RRP12: variants seen among roughly 807,000 people sequenced by gnomAD.
The protein encoded by RRP12 is ribosomal RNA processing 12 homolog, also known as RRP12-like protein.
A neutral mutation model predicts 157.3 loss-of-function variants in RRP12; 78 were observed. That is an observed-to-expected ratio of 0.50 (90% CI 0.41 to 0.60). The LOEUF (loss-of-function observed/expected upper bound fraction) is 0.60. Ranked by LOEUF, RRP12 falls within the 20% of genes least tolerant of loss-of-function variation. The pLI, the probability that RRP12 is intolerant of heterozygous loss-of-function variation, is 0.00. For synonymous variants in RRP12, 726 were observed against 670.9 expected (o/e 1.08, Z -1.27); for missense variants, 1,521 against 1,679.9 (o/e 0.91, Z 1.65).
At chr10:97,363,338 G>A (rs1158794233) in intron 30 of RRP12, among the ~76,000 whole-genome samples, 1 of 152,224 alleles carries the variant, frequency 6.6e-6, no homozygotes, top group East Asian at 1.9e-4. Context: ...AGGTCAACAG[G>A]GGTAATGGTG....
At position 97,373,904 on chromosome 10, in the gene RRP12, G is replaced by A. The variant is rs1275477347; in HGVS notation, c.1799-10C>T. The A allele has an allele frequency of 1.2e-6, 2 of 1,611,498 alleles. No individual in the cohort carries two copies. Among genetic ancestry groups the A allele is most frequent in the Admixed American group, 1.7e-5 (1 of 59,852 alleles). On this transcript the variant is annotated splice_polypyrimidine_tract_variant and intron_variant, in intron 15 of 33. Transcript: ENST00000370992. ...TGAGCCAGGTCCATGGCTGCAGTGT[G>A]ACAGAGGGACAGAGTGTGAGCCCAG...
Position 97,385,868 on chromosome 10 carries a change from C to T in RRP12, c.1116+27G>A, listed in dbSNP as rs184980143. On this transcript the variant is annotated intron_variant, in intron 9 of 33. Coordinates refer to ENST00000370992, the MANE Select transcript of RRP12 (RefSeq NM_015179.4). The stretch of plus-strand genomic sequence containing the variant: ...CCAAGGCACCACCCCCGACCTAATG[C>T]CCCCACATCCCACCAACAGGCCTCA... 3.4e-4 allele frequency: 520 copies of T among 1,521,438 alleles called. 2 individuals carry two copies. In the African/African-American group the frequency reaches 6.4e-3, roughly 19 times the overall value. 94.2% of individuals were successfully genotyped at this position (1,521,438 alleles called of 1,614,324 possible).
At chr10:97,398,452 C>A (rs1845047502) in intron 2 of RRP12, among the ~76,000 whole-genome samples, 2 of 148,714 alleles carry the variant, frequency 1.3e-5, no homozygotes, top group Admixed American at 1.4e-4. Flanking sequence ...CTCCAGGGTT[C>A]AAGTGATTCT....
At chr10:97,372,014 C>G (rs1305420634) in intron 20 of RRP12, 59 bp downstream of exon 20, 1 of 1,226,230 alleles carries the variant, frequency 8.2e-7, no homozygotes, top group Non-Finnish European at 1.2e-6. Flanking sequence ...GCCCCACCTT[C>G]CCACAGCCCA....
intron 30 of RRP12, among the ~76,000 whole-genome samples, chr10:97,362,232 A>ATC (rs1589409893): frequency 6.6e-6 from 1 of 152,096 alleles, no homozygotes; most frequent in Non-Finnish European, 1.5e-5. Context: ...GAGACAAGGC[A>ATC]TCTGCTCAGT....
intron 9 of RRP12, 24 bp downstream of exon 9, chr10:97,385,871 C>T: frequency 6.5e-7 from 1 of 1,544,464 alleles, no homozygotes; most frequent in African/African-American, 1.4e-5. Flanking sequence ...CCTAATGCCC[C>T]CACATCCCAC....
chr10:97,397,714 C>T (rs1373163070), intron 2 of RRP12, among the ~76,000 whole-genome samples: 1 of 151,432 alleles, frequency 6.6e-6, no homozygotes, highest in Non-Finnish European at 1.5e-5. Flanking sequence ...AATCCCAACA[C>T]TTTGGGAGGC....
At position 97,400,289 on chromosome 10, in the gene RRP12, C is replaced by T. The variant is rs2297668; in HGVS notation, c.369+16G>A. The T allele has an allele frequency of 0.34, 537,272 of 1,602,530 alleles. 92,089 individuals are homozygous for T. Among genetic ancestry groups the T allele is most frequent in the African/African-American group, 0.5 (37,277 of 74,618 alleles). On this transcript the variant is annotated intron_variant, in intron 2 of 33. Coordinates refer to ENST00000370992, the MANE Select transcript of RRP12 (RefSeq NM_015179.4). ...TCTCCTCACTATCCTATGGCCCTCCCGACCCTCGCCCCTACCTCCTTGTGG... is the reference window on the plus strand; with the variant it reads ...TCTCCTCACTATCCTATGGCCCTCCTGACCCTCGCCCCTACCTCCTTGTGG...
intron 9 of RRP12, 101 bp from the exon 10 acceptor site, chr10:97,385,358 G>T: frequency 3.2e-6 from 3 of 932,832 alleles, no homozygotes; most frequent in South Asian, 1.5e-5. Context: ...CCTGGGGACA[G>T]TGCTTGTGAC....
At chr10:97,373,949 C>T (rs1844233539) in intron 15 of RRP12, 55 bp from the exon 16 acceptor site, 2 of 1,526,422 alleles carry the variant, frequency 1.3e-6, no homozygotes, top group South Asian at 1.1e-5. Flanking sequence ...GGCCAACAGC[C>T]TTATTTACCA....
chr10:97,357,948 G>C (rs979120045), intron 33 of RRP12, among the ~76,000 whole-genome samples: 5 of 149,122 alleles, frequency 3.4e-5, no homozygotes, highest in African/African-American at 1.2e-4. Context: ...GGGTGACACA[G>C]CGAGACTCCG....
In RRP12 at chr10:97,373,891, A is replaced by G. The variant is rs755608469; in HGVS notation, c.1802T>C (p.Met601Thr). Residue 601 changes from methionine to threonine, a missense_variant, in exon 16 of 34, where the codon ATG becomes ACG. Transcript: ENST00000370992. ...TGTGCTGCCTGCCTGAGCCAGGTCC[A>G]TGGCTGCAGTGTGACAGAGGGACAG... is the stretch of plus-strand genomic sequence containing the variant. ...PLANTLKSKA[M>T]DLAQAGSTVE... 4.3e-6 allele frequency: 7 copies of G among 1,612,962 alleles called. No homozygotes were observed. In the East Asian group the frequency reaches 1.3e-4, roughly 31 times the overall value.
At chr10:97,360,672 C>G in intron 30 of RRP12, 54 bp from the exon 31 acceptor site, 2 of 1,359,370 alleles carry the variant, frequency 1.5e-6, no homozygotes, top group Admixed American at 1.7e-5. Flanking sequence ...TGCCCACCCT[C>G]GGGAATGCCA....
chr10:97,370,317 C>T (rs1028233636), intron 23 of RRP12, 43 bp from the exon 24 acceptor site: 22 of 1,469,192 alleles, frequency 1.5e-5, no homozygotes, highest in Non-Finnish European at 1.9e-5. Flanking sequence ...AAGGACCCAC[C>T]AGGTAGGGGG....
chr10:97,397,221 C>T (rs542059815), intron 2 of RRP12, among the ~76,000 whole-genome samples: 21 of 151,982 alleles, frequency 1.4e-4, no homozygotes, highest in East Asian at 3.9e-4. Flanking sequence ...AATGCAGTGG[C>T]GCACTCTCTG....
chr10:97,389,094 TTTG>T (rs972598764), intron 6 of RRP12, among the ~76,000 whole-genome samples: 5 of 151,982 alleles, frequency 3.3e-5, no homozygotes, highest in Non-Finnish European at 7.4e-5. Context: ...GGCTGCTACT[TTTG>T]TTGTTGTTGT....
At chr10:97,397,914 GAAAAA>G (rs959542669) in intron 2 of RRP12, among the ~76,000 whole-genome samples, 2 of 135,312 alleles carry the variant, frequency 1.5e-5, no homozygotes, top group African/African-American at 5.6e-5. Context: ...GACTCTGTCT[GAAAAA>G]AAAGAAAAGA....
In RRP12 at chr10:97,372,755, C is replaced by A; in HGVS notation, c.2230G>T (p.Ala744Ser). The A allele has an allele frequency of 1.3e-6, 2 of 1,562,212 alleles. No individual in the cohort carries two copies. The highest frequency in any genetic ancestry group is 1.7e-6 in the Non-Finnish European group (2 of 1,152,740). The change falls in exon 19 of 34, where the codon GCC becomes TCC. Residue 744 changes from alanine (A) to serine (S), a missense_variant. Ala to Ser is a moderately conservative substitution (Grantham distance 99, BLOSUM62 1). Transcript: ENST00000370992. ...TGTTACCTGGTAAAGTCAGAGCTGG[C>A]AGGGTCGAGCACCTTCTCACTGGCT... Reference protein sequence around the residue: ...EKASEKVLDPASSDFTRLSVL... With the variant: ...EKASEKVLDPSSSDFTRLSVL...
intron 12 of RRP12, 55 bp from the exon 13 acceptor site, chr10:97,380,968 C>A: frequency 7.0e-7 from 1 of 1,429,380 alleles, no homozygotes; most frequent in Non-Finnish European, 9.8e-7. Context: ...GTGCCCCCCA[C>A]CAGAGAAAGT....
Sources: gnomAD v4.1 joint callset for allele counts (sites outside exome capture counted in the v4.1 genomes callset) on GRCh38, gnomAD v4.1.1 for gene constraint, MANE v1.5 for transcripts, NCBI Gene and HGNC (gene_info 2026-07-23, HGNC 2026-07-21) for gene names.